The following VWA3B variants were observed in gnomAD, a reference collection of about 807,000 sequenced individuals.
VWA3B encodes von Willebrand factor A domain containing 3B.
A neutral mutation model predicts 158.3 loss-of-function variants in VWA3B; 138 were observed. The ratio of observed to expected loss-of-function variants is 0.87; its 90% CI spans 0.76 to 1.00. The LOEUF (loss-of-function observed/expected upper bound fraction) is 1.00, where lower values mean the gene tolerates loss of function less well. Among genes scored for constraint, VWA3B ranks in the 50% least tolerant of loss-of-function variants. VWA3B has a pLI of 0.00. For missense variants in VWA3B, 1,555 were observed against 1,565.1 expected (o/e 0.99, Z 0.11); for synonymous variants, 596 against 587.3 (o/e 1.01, Z -0.21).
chr2:98,269,795 G>A (rs1574244950), intron 21 of VWA3B, among the ~76,000 whole-genome samples: 1 of 152,236 alleles, frequency 6.6e-6, no homozygotes, highest in African/African-American at 2.4e-5. Flanking sequence ...GTAGGGGAAT[G>A]AGGGCCTGGG....
intron 20 of VWA3B, among the ~76,000 whole-genome samples, chr2:98,252,415 T>TTGAGTC (rs1193373462): frequency 6.6e-6 from 1 of 152,104 alleles, no homozygotes; most frequent in Non-Finnish European, 1.5e-5. Context: ...ATTCAAATAT[T>TTGAGTC]TGAGTCCTAT....
At chr2:98,285,928 A>G (rs1689141044) in intron 22 of VWA3B, among the ~76,000 whole-genome samples, 4 of 151,958 alleles carry the variant, frequency 2.6e-5, no homozygotes, top group Admixed American at 6.6e-5. Flanking sequence ...ATGTCACTCT[A>G]CTTATTAGAT....
rs1331079382 is a variant in VWA3B, at chr2:98,265,818, G to GT, written c.2844-4858dup. On this transcript the variant is annotated intron_variant, in intron 21 of 27. Coordinates refer to ENST00000477737, the MANE Select transcript of VWA3B (RefSeq NM_144992.5). ...AGTGATGATGAGCATTTTTTCATGT[G>GT]TTTTTTGGCTGCATAAATGTCTTCT... Among the ~76,000 whole-genome samples, 509 of 143,146 alleles carry GT rather than the reference G, an allele frequency of 3.6e-3. 5 individuals are homozygous for GT. The highest frequency in any genetic ancestry group is 0.022 in the East Asian group (110 of 5,000). 93.9% of individuals were successfully genotyped at this position (143,146 alleles called of 152,430 possible).
chr2:98,168,581 A>G (rs1371580888), intron 8 of VWA3B, among the ~76,000 whole-genome samples: 2 of 152,208 alleles, frequency 1.3e-5, no homozygotes, highest in Admixed American at 1.3e-4. Context: ...TTTAGAGACA[A>G]GAAAGATATT....
chr2:98,204,252 AT>A (rs1421646280), intron 12 of VWA3B, among the ~76,000 whole-genome samples: 2 of 152,230 alleles, frequency 1.3e-5, no homozygotes, highest in Non-Finnish European at 2.9e-5. Flanking sequence ...TCTATGACTT[AT>A]TCCTTTGCCT....
chr2:98,110,790 A>G (rs1357552431), intron 2 of VWA3B, among the ~76,000 whole-genome samples: 1 of 152,222 alleles, frequency 6.6e-6, no homozygotes, highest in Admixed American at 6.5e-5. Context: ...AACTCCAACA[A>G]TTCCCACGTT....
intron 7 of VWA3B, among the ~76,000 whole-genome samples, chr2:98,151,877 G>A (rs1338509983): frequency 6.6e-6 from 1 of 152,138 alleles, no homozygotes; most frequent in Non-Finnish European, 1.5e-5. Context: ...TTCTTCTTGG[G>A]ATTCCAAGTG....
chr2:98,262,371 T>G (rs563220258), intron 21 of VWA3B, among the ~76,000 whole-genome samples: 41 of 151,890 alleles, frequency 2.7e-4, no homozygotes, highest in Non-Finnish European at 4.6e-4. Flanking sequence ...TTCAGTATAA[T>G]GAAGCTTTAT....
chr2:98,278,752 G>A (rs908148584), intron 22 of VWA3B, among the ~76,000 whole-genome samples: 2 of 152,154 alleles, frequency 1.3e-5, no homozygotes, highest in Non-Finnish European at 1.5e-5. Context: ...GTACAGGATG[G>A]GGGGGTGGTG....
intron 7 of VWA3B, among the ~76,000 whole-genome samples, chr2:98,150,391 G>A (rs1052801887): frequency 4.6e-5 from 7 of 152,284 alleles, no homozygotes; most frequent in African/African-American, 1.7e-4. Context: ...TACATTTTAC[G>A]TTTTTCTTAT....
At chr2:98,273,758 A>G (rs1226768885) in intron 22 of VWA3B, among the ~76,000 whole-genome samples, 1 of 152,236 alleles carries the variant, frequency 6.6e-6, no homozygotes, top group Non-Finnish European at 1.5e-5. Flanking sequence ...GACCATGGCC[A>G]GTCCCAGGTG....
At chr2:98,207,587 C>A in intron 12 of VWA3B, 2 of 515,492 alleles carry the variant, frequency 3.9e-6, no homozygotes, top group South Asian at 2.8e-5. Flanking sequence ...ATGGGGAAGT[C>A]AGTACTCCTG....
rs567211959 is a variant in VWA3B, at chr2:98,138,927, C to T, written c.988+4988C>T. Among the ~76,000 whole-genome samples, 4 of 152,366 alleles carry T rather than the reference C, an allele frequency of 2.6e-5. No individual in the cohort carries two copies. The South Asian group carries it at 6.2e-4, about 24-fold the overall frequency. On this transcript the variant is annotated intron_variant, in intron 7 of 27. Coordinates refer to ENST00000477737, the MANE Select transcript of VWA3B (RefSeq NM_144992.5). ...GCACTTGAGGAGTCCTTCAGTCCGC[C>T]GCTGCACTGTGGGAGCCCATTTCTG...
At chr2:98,123,034 G>A (rs1358118292) in intron 5 of VWA3B, among the ~76,000 whole-genome samples, 1 of 152,154 alleles carries the variant, frequency 6.6e-6, no homozygotes, top group African/African-American at 2.4e-5. Flanking sequence ...CAACTGCCTT[G>A]CATATAAAAA....
intron 19 of VWA3B, among the ~76,000 whole-genome samples, chr2:98,247,767 T>C (rs1304275381): frequency 6.6e-6 from 1 of 152,106 alleles, no homozygotes. Flanking sequence ...TTTTAGTCTT[T>C]TGTTGTGGGC....
intron 11 of VWA3B, among the ~76,000 whole-genome samples, chr2:98,193,576 T>A (rs537193864): frequency 2.0e-5 from 3 of 151,662 alleles, no homozygotes; most frequent in Middle Eastern, 3.4e-3. Context: ...TAGCGGGGAG[T>A]GTTTGAGAAA....
At chr2:98,192,106 G>T (rs1339326897) in intron 10 of VWA3B, among the ~76,000 whole-genome samples, 1 of 152,232 alleles carries the variant, frequency 6.6e-6, no homozygotes, top group Non-Finnish European at 1.5e-5. Context: ...TCAGGAATGT[G>T]CTGGCTTCAC....
intron 2 of VWA3B, among the ~76,000 whole-genome samples, chr2:98,105,014 G>A (rs946350968): frequency 1.1e-4 from 17 of 152,226 alleles, no homozygotes; most frequent in African/African-American, 3.9e-4. Context: ...GCTTTTAAAA[G>A]TCATCTGTTT....
rs886318128 is a variant in VWA3B, at chr2:98,202,935, C to T, written c.1737+8443C>T. 9.9e-5 allele frequency among the ~76,000 whole-genome samples: 15 copies of T among 152,076 alleles called. No homozygotes were observed. In the East Asian group the frequency reaches 1.2e-3, roughly 12 times the overall value. ...GCAACCTCCACCTCCCAGGTTCAAG[C>T]GATTCTCCTGCCTCAGCCTCCAGAG... On this transcript the variant is annotated intron_variant, in intron 12 of 27. Coordinates refer to ENST00000477737, the MANE Select transcript of VWA3B (RefSeq NM_144992.5).
Sources: gnomAD v4.1 joint callset for allele counts (sites outside exome capture counted in the v4.1 genomes callset) on GRCh38, gnomAD v4.1.1 for gene constraint, MANE v1.5 for transcripts, NCBI Gene and HGNC (gene_info 2026-07-23, HGNC 2026-07-21) for gene names.